The following ELK3 variants were observed in gnomAD, a reference collection of about 807,000 sequenced individuals.
ELK3 encodes ETS domain-containing protein Elk-3.
Under a neutral mutation model 28.9 loss-of-function variants are expected in ELK3, and 10 were observed. The ratio of observed to expected loss-of-function variants is 0.35; its 90% CI spans 0.21 to 0.59. The LOEUF (loss-of-function observed/expected upper bound fraction) is 0.59. Ranked by LOEUF, ELK3 falls within the 20% of genes least tolerant of loss-of-function variation. The pLI is 0.82. For missense variants in ELK3, 463 were observed against 517.3 expected (o/e 0.90, Z 1.02); for synonymous variants, 272 against 243.5 (o/e 1.12, Z -1.09).
chr12:96,234,474 C>T (rs994891888), intron 2 of ELK3, among the ~76,000 whole-genome samples: 2 of 152,136 alleles, frequency 1.3e-5, no homozygotes, highest in African/African-American at 4.8e-5. Context: ...CTCCAACATT[C>T]ACAGCATAGC....
At chr12:96,243,150 A>T (rs1435195071) in intron 2 of ELK3, among the ~76,000 whole-genome samples, 1 of 152,202 alleles carries the variant, frequency 6.6e-6, no homozygotes, top group Non-Finnish European at 1.5e-5. Flanking sequence ...TCTTTTCTTT[A>T]AAAACCAGCT....
intron 4 of ELK3, among the ~76,000 whole-genome samples, chr12:96,265,109 G>C (rs1175417613): frequency 6.6e-6 from 1 of 152,158 alleles, no homozygotes; most frequent in Non-Finnish European, 1.5e-5. Context: ...TGGTTGTCAA[G>C]TCCAAGCATG....
chr12:96,235,991 A>G (rs1951780234), intron 2 of ELK3, among the ~76,000 whole-genome samples: 1 of 151,868 alleles, frequency 6.6e-6, no homozygotes. Flanking sequence ...ATACCCGGCT[A>G]ATTTTTGTAT....
At chr12:96,256,483 A>G (rs1167985885) in intron 3 of ELK3, among the ~76,000 whole-genome samples, 3 of 152,138 alleles carry the variant, frequency 2.0e-5, no homozygotes, top group African/African-American at 7.2e-5. Flanking sequence ...GCTGAGCTTC[A>G]TGAAGTTGGA....
chr12:96,258,647 C>T (rs993642318), intron 3 of ELK3, among the ~76,000 whole-genome samples: 3 of 152,160 alleles, frequency 2.0e-5, no homozygotes, highest in African/African-American at 2.4e-5. Context: ...CACCCTGGGC[C>T]GGGGAGTTTG....
At chr12:96,237,572 C>T (rs1951793277) in intron 2 of ELK3, among the ~76,000 whole-genome samples, 1 of 152,232 alleles carries the variant, frequency 6.6e-6, no homozygotes, top group African/African-American at 2.4e-5. Flanking sequence ...CACTCCTTCT[C>T]CATTCCTCAG....
At chr12:96,228,088 C>G (rs1951716377) in intron 2 of ELK3, among the ~76,000 whole-genome samples, 1 of 151,974 alleles carries the variant, frequency 6.6e-6, no homozygotes, top group Admixed American at 6.6e-5. Flanking sequence ...AGTGAGACCC[C>G]TGTCTCTTTT....
rs190252581 is a variant in ELK3, at chr12:96,201,188, A to G, written c.-3+6483A>G. On this transcript the variant is annotated intron_variant, in intron 1 of 4. Coordinates refer to ENST00000228741, the MANE Select transcript of ELK3 (RefSeq NM_005230.4). ...GAGGAAAAAGAAAAATCCTTTCTGT[A>G]TTACCTGATATCCGCAAAATATTTA... 3.6e-3 allele frequency among the ~76,000 whole-genome samples: 551 copies of G among 152,302 alleles called. 8 individuals carry two copies. The highest frequency in any genetic ancestry group is 6.5e-3 in the Non-Finnish European group (442 of 68,022).
intron 3 of ELK3, among the ~76,000 whole-genome samples, chr12:96,253,393 T>C (rs1376486602): frequency 6.6e-6 from 1 of 152,238 alleles, no homozygotes; most frequent in Non-Finnish European, 1.5e-5. Context: ...TCTGCCCTGC[T>C]TCCTCCCCTG....
At chr12:96,250,105 C>T (rs570175100) in intron 3 of ELK3, among the ~76,000 whole-genome samples, 7 of 151,092 alleles carry the variant, frequency 4.6e-5, no homozygotes, top group Non-Finnish European at 7.4e-5. Context: ...AGAGGGCCTT[C>T]GGGTCAAAGG....
At chr12:96,225,356 A>G (rs978451101) in intron 2 of ELK3, among the ~76,000 whole-genome samples, 5 of 152,336 alleles carry the variant, frequency 3.3e-5, no homozygotes, top group Admixed American at 3.3e-4. Context: ...TCTCTTTAGC[A>G]TGAAGGGTTG....
intron 1 of ELK3, among the ~76,000 whole-genome samples, chr12:96,197,000 C>A (rs1405442810): frequency 6.6e-6 from 1 of 151,874 alleles, no homozygotes; most frequent in Non-Finnish European, 1.5e-5. Flanking sequence ...AGTAGGTGCT[C>A]AATAAATTGT....
intron 2 of ELK3, 166 bp downstream of exon 2, chr12:96,223,939 C>A: frequency 1.4e-6 from 1 of 712,380 alleles, no homozygotes; most frequent in Non-Finnish European, 2.3e-6. Context: ...GGGATTTTCC[C>A]CACCCTCTGG....
At chr12:96,209,477 A>C (rs1223034814) in intron 1 of ELK3, among the ~76,000 whole-genome samples, 1 of 152,188 alleles carries the variant, frequency 6.6e-6, no homozygotes, top group Non-Finnish European at 1.5e-5. Context: ...TCCATGCAAA[A>C]AGGTTCTCAT....
chr12:96,203,460 C>T (rs1951519289), intron 1 of ELK3, among the ~76,000 whole-genome samples: 1 of 152,192 alleles, frequency 6.6e-6, no homozygotes, highest in Non-Finnish European at 1.5e-5. Context: ...ATTATCTCAG[C>T]ACTTTGTACA....
intron 2 of ELK3, among the ~76,000 whole-genome samples, chr12:96,224,264 C>T (rs1470573081): frequency 6.6e-6 from 1 of 152,162 alleles, no homozygotes; most frequent in Non-Finnish European, 1.5e-5. Context: ...GAATAGGAAT[C>T]CTGTCTCAGG....
intron 2 of ELK3, among the ~76,000 whole-genome samples, chr12:96,227,885 T>C (rs1951715124): frequency 6.6e-6 from 1 of 152,164 alleles, no homozygotes; most frequent in South Asian, 2.1e-4. Flanking sequence ...GTGGGATTCA[T>C]TGTGTTCACA....
intron 1 of ELK3, among the ~76,000 whole-genome samples, chr12:96,216,935 C>T (rs1276881541): frequency 6.6e-6 from 1 of 152,206 alleles, no homozygotes; most frequent in Non-Finnish European, 1.5e-5. Context: ...AAAAGTGCTT[C>T]ACTAGCACCT....
At chr12:96,265,052 G>A (rs79282176) in intron 4 of ELK3, among the ~76,000 whole-genome samples, 7,241 of 152,206 alleles carry the variant, frequency 0.048, 219 homozygotes, top group East Asian at 0.12. Flanking sequence ...GAAGAAGGGC[G>A]AGTTTTGTGG....
Sources: gnomAD v4.1 joint callset for allele counts (sites outside exome capture counted in the v4.1 genomes callset) on GRCh38, gnomAD v4.1.1 for gene constraint, MANE v1.5 for transcripts, NCBI Gene and HGNC (gene_info 2026-07-23, HGNC 2026-07-21) for gene names.